Variants in PCSK6 observed in about 807,000 individuals in gnomAD.
PCSK6 encodes proprotein convertase subtilisin/kexin type 6, also known as paired basic amino acid cleaving enzyme 4.
Under a neutral mutation model 123.3 loss-of-function variants are expected in PCSK6, and 85 were observed. That is an observed-to-expected ratio of 0.69 (90% CI 0.58 to 0.83). PCSK6 has a LOEUF of 0.83. Among genes scored for constraint, PCSK6 ranks in the 40% least tolerant of loss-of-function variants. PCSK6 has a pLI of 0.00. For missense variants in PCSK6, 1,191 were observed against 1,282.3 expected (o/e 0.93, Z 1.09); for synonymous variants, 508 against 516.0 (o/e 0.98, Z 0.21).
At chr15:101,369,802 T>C (rs1004006413) in intron 12 of PCSK6, among the ~76,000 whole-genome samples, 1 of 152,006 alleles carries the variant, frequency 6.6e-6, no homozygotes, top group African/African-American at 2.4e-5. Context: ...GCAAGAGAAG[T>C]TGGCAGAGAG....
chr15:101,457,039 G>T (rs796797847), intron 1 of PCSK6, among the ~76,000 whole-genome samples: 2 of 152,250 alleles, frequency 1.3e-5, no homozygotes, highest in African/African-American at 2.4e-5. Flanking sequence ...TGGGTGTGGT[G>T]GTGCACACCT....
At chr15:101,351,313 G>A (rs1251864684) in intron 13 of PCSK6, among the ~76,000 whole-genome samples, 1 of 152,182 alleles carries the variant, frequency 6.6e-6, no homozygotes. Flanking sequence ...ATGTCTGTAG[G>A]TATTACACTG....
In PCSK6 at chr15:101,331,749, A is replaced by G. The variant is rs1400262781; in HGVS notation, c.2039-60T>C. On this transcript the variant is annotated intron_variant, in intron 14 of 21. Coordinates refer to ENST00000611716, the MANE Select transcript of PCSK6 (RefSeq NM_002570.5). ...TCCCAGGCAAGAGAGACACACAACC[A>G]TCAGCCCCACCTTTGCCAGGAGCAG... 4 of 1,601,352 alleles carry G rather than the reference A, an allele frequency of 2.5e-6. No individual in the cohort carries two copies. In the East Asian group the frequency reaches 8.9e-5, roughly 36 times the overall value.
chr15:101,486,102 T>G (rs573501883), intron 1 of PCSK6, among the ~76,000 whole-genome samples: 6 of 152,136 alleles, frequency 3.9e-5, no homozygotes, highest in Admixed American at 3.9e-4. Context: ...TAGCTGGGAT[T>G]ACCGGCATGT....
chr15:101,462,701 T>C (rs1394642511), intron 1 of PCSK6, among the ~76,000 whole-genome samples: 2 of 152,284 alleles, frequency 1.3e-5, no homozygotes, highest in East Asian at 1.9e-4. Flanking sequence ...TGGTTATTCA[T>C]ATGAGAAAAA....
rs1230474525 is a variant in PCSK6 at position 101,305,166 on chromosome 15, C to T, written c.*92G>A. On this transcript the variant is annotated 3_prime_UTR_variant, in exon 22 of 22. Transcript: ENST00000611716. This position sits in a 1 kb window ranked among gnomAD's most constrained non-coding sequence, Gnocchi z 4.8. Reference sequence around the variant, plus strand: ...GATAAAGCTGTCAGGTGCAGGGCGCCGCTCCTGAAACAGACTCTGGCCGAC... The same window carrying T: ...GATAAAGCTGTCAGGTGCAGGGCGCTGCTCCTGAAACAGACTCTGGCCGAC... 7.5e-6 allele frequency: 8 copies of T among 1,070,022 alleles called. No individual in the cohort carries two copies. Among genetic ancestry groups the T allele is most frequent in the East Asian group, 5.2e-5 (2 of 38,690 alleles). The allele number at this position is 1,070,022 out of a possible 1,614,324, so 66.3% of individuals were successfully genotyped here.
At chr15:101,405,841 C>T (rs1030822208) in intron 6 of PCSK6, among the ~76,000 whole-genome samples, 1 of 152,038 alleles carries the variant, frequency 6.6e-6, no homozygotes, top group Non-Finnish European at 1.5e-5. Flanking sequence ...CTCCCAGGTT[C>T]GAGCGATTCT....
chr15:101,410,896 C>G (rs959346027), intron 6 of PCSK6, among the ~76,000 whole-genome samples: 1 of 152,224 alleles, frequency 6.6e-6, no homozygotes, highest in African/African-American at 2.4e-5. Flanking sequence ...ACACTAAGAA[C>G]TGGATGCAAA....
At chr15:101,309,964 G>A (rs2039816825) in intron 20 of PCSK6, among the ~76,000 whole-genome samples, 1 of 152,184 alleles carries the variant, frequency 6.6e-6, no homozygotes, top group Non-Finnish European at 1.5e-5. Flanking sequence ...CAACCCAGCA[G>A]GCCTGCGTCC....
intron 13 of PCSK6, chr15:101,346,948 G>A (rs891075425): frequency 8.1e-7 from 1 of 1,231,502 alleles, no homozygotes; most frequent in African/African-American, 1.6e-5. Context: ...TTGGGGAAAG[G>A]CGTCACTGTC....
At chr15:101,471,179 G>A (rs1050287430) in intron 1 of PCSK6, among the ~76,000 whole-genome samples, 3 of 152,322 alleles carry the variant, frequency 2.0e-5, no homozygotes, top group Middle Eastern at 3.4e-3. Flanking sequence ...TGCCAGTGTA[G>A]CCCCAGAACA....
chr15:101,346,403 G>C (rs930873143), intron 13 of PCSK6: 3 of 154,394 alleles, frequency 1.9e-5, no homozygotes, highest in South Asian at 4.1e-4. Context: ...TAATGACATA[G>C]AAACATGCTT....
chr15:101,341,453 G>A (rs990106424), intron 13 of PCSK6, among the ~76,000 whole-genome samples: 2 of 151,862 alleles, frequency 1.3e-5, no homozygotes, highest in Non-Finnish European at 2.9e-5. Context: ...GTAGAGATGA[G>A]GTTTTACCAT....
chr15:101,403,316 A>G (rs886858137), intron 6 of PCSK6, among the ~76,000 whole-genome samples: 1 of 150,286 alleles, frequency 6.7e-6, no homozygotes, highest in Non-Finnish European at 1.5e-5. Flanking sequence ...GATATACCTA[A>G]TGCTAAATGA....
chr15:101,485,966 T>A (rs2058011574), intron 1 of PCSK6, among the ~76,000 whole-genome samples: 1 of 148,298 alleles, frequency 6.7e-6, no homozygotes, highest in Admixed American at 6.7e-5. Context: ...AATTTTTTTT[T>A]TTTTTTTTTT....
intron 13 of PCSK6, among the ~76,000 whole-genome samples, chr15:101,359,582 C>A (rs563482443): frequency 6.6e-6 from 1 of 152,382 alleles, no homozygotes; most frequent in South Asian, 2.1e-4. Flanking sequence ...AGGAAGGCTG[C>A]AGATGGCAAG....
chr15:101,424,237 C>CAA (rs55970616), intron 6 of PCSK6, among the ~76,000 whole-genome samples: 2 of 132,152 alleles, frequency 1.5e-5, no homozygotes, highest in Non-Finnish European at 1.7e-5. Flanking sequence ...CCCATCTCTT[C>CAA]AAAAAAAAAA....
chr15:101,308,034 GCT>G (rs2039765429), intron 20 of PCSK6: 1 of 152,364 alleles, frequency 6.6e-6, no homozygotes, highest in South Asian at 2.1e-4. Context: ...TGTAGCAGTG[GCT>G]GAGCTGAGTA....
intron 1 of PCSK6, among the ~76,000 whole-genome samples, chr15:101,484,224 C>A (rs918413780): frequency 6.6e-6 from 1 of 152,130 alleles, no homozygotes; most frequent in Non-Finnish European, 1.5e-5. Context: ...AAGCAGTACA[C>A]TGCAGATAAA....
Sources: gnomAD v4.1 joint callset for allele counts (sites outside exome capture counted in the v4.1 genomes callset) on GRCh38, gnomAD v4.1.1 for gene constraint, Gnocchi (gnomAD v3.1) non-coding constraint, MANE v1.5 for transcripts, NCBI Gene and HGNC (gene_info 2026-07-23, HGNC 2026-07-21) for gene names.